ZNF516: variants seen among roughly 807,000 people sequenced by gnomAD.
The protein encoded by ZNF516 is zinc finger protein 516.
Under a neutral mutation model 79.7 loss-of-function variants are expected in ZNF516, and 19 were observed. That is an observed-to-expected ratio of 0.24 (90% CI 0.17 to 0.35). The LOEUF is 0.35. ZNF516 is among the 10% of genes least tolerant of loss of function. The pLI is 1.00. For missense variants in ZNF516, 1,678 were observed against 1,679.5 expected (o/e 1.00, Z 0.02); for synonymous variants, 877 against 739.5 (o/e 1.19, Z -3.02).
chr18:76,496,376 G>T (rs899971063), upstream of ZNF516: 1 of 1,289,556 alleles, frequency 7.8e-7, no homozygotes, highest in African/African-American at 1.5e-5. Flanking sequence ...AGCAATCAGC[G>T]CTGCAATCCT....
intron 1 of ZNF516, among the ~76,000 whole-genome samples, chr18:76,466,298 G>A (rs1451949650): frequency 1.3e-5 from 2 of 152,210 alleles, no homozygotes; most frequent in African/African-American, 4.8e-5. Context: ...GGGGCACAGG[G>A]AGGGCTCTTG....
At chr18:76,494,061 TACAG>T (rs1462499421) in intron 1 of ZNF516, 1 of 152,168 alleles carries the variant, frequency 6.6e-6, no homozygotes, top group Non-Finnish European at 1.5e-5. Flanking sequence ...GAGGCTGACT[TACAG>T]ACCCACATTT....
intron 2 of ZNF516, among the ~76,000 whole-genome samples, chr18:76,453,372 A>G (rs1357609777): frequency 1.3e-5 from 2 of 152,134 alleles, no homozygotes; most frequent in Non-Finnish European, 2.9e-5. Context: ...GTGGTCACTG[A>G]GGGGCCGCTC....
rs981555147 is a variant in ZNF516 at position 76,451,930 on chromosome 18, C to T, written c.-157-8719G>A. On this transcript the variant is annotated intron_variant, in intron 2 of 6. Transcript: ENST00000443185. This position sits in a 1 kb window ranked among gnomAD's most constrained non-coding sequence, Gnocchi z 6.0. The stretch of plus-strand genomic sequence containing the variant: ...GCTTATAGTCCCCAGACTGGGGTCC[C>T]GAAGAGCCCCATAAAGTGATGCATT... 6.6e-6 allele frequency among the ~76,000 whole-genome samples: 1 copy of T among 152,122 alleles called. No individual in the cohort carries two copies. The highest frequency in any genetic ancestry group is 2.1e-4 in the South Asian group (1 of 4,822).
chr18:76,389,087 T>A (rs896092825), intron 3 of ZNF516: 1 of 152,118 alleles, frequency 6.6e-6, no homozygotes, highest in Non-Finnish European at 1.5e-5. Flanking sequence ...GGCTGGTGGG[T>A]TGGGCTGCCA....
intron 1 of ZNF516, among the ~76,000 whole-genome samples, chr18:76,485,784 C>T (rs892697696): frequency 6.6e-6 from 1 of 151,552 alleles, no homozygotes; most frequent in Admixed American, 6.6e-5. Flanking sequence ...TCAGTTCTGC[C>T]TGTAGATAAT....
chr18:76,397,286 A>T (rs1019333161), intron 3 of ZNF516, among the ~76,000 whole-genome samples: 2 of 152,212 alleles, frequency 1.3e-5, no homozygotes, highest in African/African-American at 4.8e-5. Flanking sequence ...CGTCCAGCTC[A>T]GTCCTATGGC....
chr18:76,495,653 T>C (rs1052300534), upstream of ZNF516: 4 of 1,063,986 alleles, frequency 3.8e-6, no homozygotes, highest in African/African-American at 1.7e-5. Flanking sequence ...CAGCCCCGGC[T>C]CCCGGAGGCC....
intron 3 of ZNF516, among the ~76,000 whole-genome samples, chr18:76,397,091 G>T (rs372063806): frequency 4.6e-5 from 7 of 152,314 alleles, no homozygotes; most frequent in Non-Finnish European, 7.3e-5. Context: ...CAGAGGCTAC[G>T]CAGTTCAGAA....
chr18:76,487,344 C>A (rs913434586), intron 1 of ZNF516, among the ~76,000 whole-genome samples: 2 of 152,268 alleles, frequency 1.3e-5, no homozygotes, highest in East Asian at 1.9e-4. Context: ...TTTACCAGTC[C>A]ATCTAAAATA....
chr18:76,486,476 G>A (rs536150553), intron 1 of ZNF516, among the ~76,000 whole-genome samples: 1 of 152,224 alleles, frequency 6.6e-6, no homozygotes, highest in East Asian at 1.9e-4. Context: ...TTAATTCTTA[G>A]CCATTAACAA....
At chr18:76,399,163 T>C (rs370381535) in intron 3 of ZNF516, among the ~76,000 whole-genome samples, 4 of 123,284 alleles carry the variant, frequency 3.2e-5, no homozygotes, top group South Asian at 2.7e-4. Flanking sequence ...TCCCCGTACA[T>C]GGAAGAGCCA....
chr18:76,404,705 G>C (rs1376016828), intron 3 of ZNF516, among the ~76,000 whole-genome samples: 2 of 150,000 alleles, frequency 1.3e-5, no homozygotes, highest in African/African-American at 4.9e-5. Flanking sequence ...GTGAGCATGA[G>C]CATATGCACG....
At position 76,359,811 on chromosome 18, in the gene ZNF516, T is replaced by C. The variant is rs1311568164; in HGVS notation, c.*2687A>G. The C allele has an allele frequency of 6.6e-6, 1 of 151,018 alleles. No individual in the cohort carries two copies. The highest frequency in any genetic ancestry group is 6.6e-5 in the Admixed American group (1 of 15,256). 9.4% of individuals were successfully genotyped at this position (151,018 alleles called of 1,614,324 possible). ...GAAGACAACGTACAGAAGTGTATCA[T>C]GCAGAAATTACCATTCGGAAAAAAA... is the stretch of plus-strand genomic sequence containing the variant. On this transcript the variant is annotated 3_prime_UTR_variant, in exon 7 of 7. Coordinates refer to ENST00000443185, the MANE Select transcript of ZNF516 (RefSeq NM_014643.4).
At chr18:76,402,018 T>C (rs951507316) in intron 3 of ZNF516, among the ~76,000 whole-genome samples, 40 of 151,850 alleles carry the variant, frequency 2.6e-4, no homozygotes, top group African/African-American at 7.7e-4. Context: ...CGTTTGTGTG[T>C]ACACGTGCGC....
At chr18:76,439,679 G>A (rs899532108) in intron 3 of ZNF516, among the ~76,000 whole-genome samples, 66 of 152,148 alleles carry the variant, frequency 4.3e-4, no homozygotes, top group African/African-American at 1.6e-3. Context: ...CTATGAATCA[G>A]GTGACCACCA....
At chr18:76,404,564 ATGTT>A (rs202066355) in intron 3 of ZNF516, among the ~76,000 whole-genome samples, 482 of 151,696 alleles carry the variant, frequency 3.2e-3, no homozygotes, top group African/African-American at 8.2e-3. Flanking sequence ...ATGTGTTTGT[ATGTT>A]TGTGAGTATG....
At chr18:76,436,429 T>A (rs554746668) in intron 3 of ZNF516, among the ~76,000 whole-genome samples, 1 of 152,230 alleles carries the variant, frequency 6.6e-6, no homozygotes, top group East Asian at 1.9e-4. Context: ...GTTTTGAGCC[T>A]CTCGTGGGAC....
At chr18:76,490,900 G>A (rs1915140875) in intron 1 of ZNF516, 1 of 985,532 alleles carries the variant, frequency 1.0e-6, no homozygotes, top group Non-Finnish European at 1.2e-6. Flanking sequence ...TTTCCAGGCA[G>A]TCCACAGAGC....
Sources: allele counts gnomAD v4.1 joint callset (sites outside exome capture counted in the v4.1 genomes callset), GRCh38; gene constraint gnomAD v4.1.1; non-coding constraint Gnocchi (gnomAD v3.1); transcripts MANE v1.5; gene names NCBI Gene and HGNC (gene_info 2026-07-23, HGNC 2026-07-21).